The following AFF3 variants were observed in gnomAD, a reference collection of about 807,000 sequenced individuals.
AFF3 encodes AF4/FMR2 family member 3.
In AFF3, 32 loss-of-function variants were observed where a neutral mutation model predicts 129.7. The observed-to-expected ratio is 0.25, with a 90% CI of 0.19 to 0.33. The LOEUF (loss-of-function observed/expected upper bound fraction) is 0.33. AFF3 is among the 10% of genes least tolerant of loss of function. The pLI, the probability that AFF3 is intolerant of heterozygous loss-of-function variation, is 1.00. For missense variants in AFF3, 1,373 were observed against 1,592.0 expected (o/e 0.86, Z 2.34); for synonymous variants, 644 against 635.4 (o/e 1.01, Z -0.20).
In AFF3 at chr2:99,653,877, TTC is replaced by T. The variant is rs1491023099; in HGVS notation, c.1144-4213_1144-4212del. Among the ~76,000 whole-genome samples, 356 of 53,984 alleles carry T rather than the reference TTC, an allele frequency of 6.6e-3. 27 individuals are homozygous for T. Among genetic ancestry groups the T allele is most frequent in the African/African-American group, 0.013 (178 of 13,216 alleles). The allele number at this position is 53,984 out of a possible 152,430, so 35.4% of individuals were successfully genotyped here. On this transcript the variant is annotated intron_variant, in intron 12 of 24. Coordinates refer to ENST00000672756, the MANE Select transcript of AFF3 (RefSeq NM_001386135.1). ...CCATCAATTGCCTGCACTGCTTTTT[TTC>T]TTTTTTTTTTTTTTTTTGAGATGTT... is the stretch of plus-strand genomic sequence containing the variant.
At chr2:99,568,000 T>A (rs1272304333) in intron 19 of AFF3, among the ~76,000 whole-genome samples, 1 of 152,228 alleles carries the variant, frequency 6.6e-6, no homozygotes, top group Non-Finnish European at 1.5e-5. Flanking sequence ...ACGTAGGGGT[T>A]ATTCCTCCTG....
At chr2:99,744,880 C>T (rs1221450632) in intron 9 of AFF3, among the ~76,000 whole-genome samples, 1 of 152,172 alleles carries the variant, frequency 6.6e-6, no homozygotes, top group Non-Finnish European at 1.5e-5. Flanking sequence ...TCCATGTTTT[C>T]AATCCTTTTG....
At chr2:99,900,403 T>C (rs1227142962) in intron 7 of AFF3, among the ~76,000 whole-genome samples, 2 of 152,182 alleles carry the variant, frequency 1.3e-5, no homozygotes, top group Non-Finnish European at 2.9e-5. Flanking sequence ...AATCCAAATA[T>C]GTAGCTCTAA....
At chr2:99,553,194 C>A (rs967309803) in intron 24 of AFF3, among the ~76,000 whole-genome samples, 1 of 152,278 alleles carries the variant, frequency 6.6e-6, no homozygotes. Context: ...ACCTCAGCCT[C>A]CCAAAATCTA....
At chr2:99,722,122 C>A (rs1003015725) in intron 11 of AFF3, among the ~76,000 whole-genome samples, 12 of 152,176 alleles carry the variant, frequency 7.9e-5, no homozygotes, top group Non-Finnish European at 2.9e-5. Flanking sequence ...CATTATCCTG[C>A]TGAGATTCTC....
rs200998058 is a variant in AFF3, at chr2:99,997,479, C to T, written c.873+9153G>A. Among the ~76,000 whole-genome samples, 4 of 151,690 alleles carry T rather than the reference C, an allele frequency of 2.6e-5. No individual in the cohort carries two copies. The South Asian group carries it at 8.4e-4, about 32-fold the overall frequency. The stretch of plus-strand genomic sequence containing the variant: ...CCCATGGTCCCAGCAACTATCACCC[C>T]CCCCCCAGATTAGCACAATAACCTG... On this transcript the variant is annotated intron_variant, in intron 7 of 24. Transcript: ENST00000672756.
In AFF3 at chr2:99,865,262, G is replaced by A. The variant is rs139008605; in HGVS notation, c.874-27738C>T. On this transcript the variant is annotated intron_variant, in intron 7 of 24. Transcript: ENST00000672756. ...GTGTGGGGGAAAGCAACAGTTGGAC[G>A]ATCTTAGCCAGTGGAAATGAGACAG... 2.4e-3 allele frequency among the ~76,000 whole-genome samples: 371 copies of A among 152,322 alleles called. 4 individuals are homozygous for A. The highest frequency in any genetic ancestry group is 7.3e-3 in the African/African-American group (304 of 41,564).
chr2:99,818,889 A>C (rs1303491466), intron 8 of AFF3, among the ~76,000 whole-genome samples: 1 of 152,188 alleles, frequency 6.6e-6, no homozygotes, highest in Non-Finnish European at 1.5e-5. Flanking sequence ...ATACTTATAA[A>C]CACAACTTAC....
chr2:100,024,969 A>T (rs1318734844), intron 4 of AFF3, among the ~76,000 whole-genome samples: 3 of 152,178 alleles, frequency 2.0e-5, no homozygotes, highest in African/African-American at 7.2e-5. Flanking sequence ...TTTTACTGCA[A>T]ATATTACTTT....
At chr2:99,867,889 C>T (rs535349965) in intron 7 of AFF3, among the ~76,000 whole-genome samples, 98 of 152,348 alleles carry the variant, frequency 6.4e-4, no homozygotes, top group Non-Finnish European at 1.2e-3. Context: ...CGCCAGACTT[C>T]CTCCAGGAAG....
chr2:100,031,034 A>C (rs1295818429), intron 4 of AFF3, among the ~76,000 whole-genome samples: 1 of 152,230 alleles, frequency 6.6e-6, no homozygotes, highest in East Asian at 1.9e-4. Flanking sequence ...GAGATTATAC[A>C]TATGCATTTT....
rs560372108 is a variant in AFF3 at position 99,898,446 on chromosome 2, C to T, written c.874-60922G>A. ...CCTGCTGCCAGGCTAGCTCTTGATG[C>T]TGACCACAGCTCTCCAAGCCCATCG... On this transcript the variant is annotated intron_variant, in intron 7 of 24. Transcript: ENST00000672756. Among the ~76,000 whole-genome samples, 60 of 152,296 alleles carry T rather than the reference C, an allele frequency of 3.9e-4. 1 individual carries two copies. Among genetic ancestry groups the T allele is most frequent in the Non-Finnish European group, 7.5e-4 (51 of 68,022 alleles).
intron 13 of AFF3, among the ~76,000 whole-genome samples, chr2:99,630,269 C>T (rs750739756): frequency 2.6e-5 from 4 of 152,118 alleles, no homozygotes; most frequent in African/African-American, 4.8e-5. Context: ...GAGGTTAACA[C>T]GGAAATGTTA....
chr2:100,007,772 T>G, intron 5 of AFF3: 1 of 351,968 alleles, frequency 2.8e-6, no homozygotes, highest in South Asian at 3.2e-5. Context: ...GTCAGGTGTT[T>G]GAGATCAGCC....
chr2:99,792,137 T>C (rs778439180), intron 8 of AFF3, among the ~76,000 whole-genome samples: 3 of 152,166 alleles, frequency 2.0e-5, no homozygotes, highest in Non-Finnish European at 4.4e-5. Context: ...GTTCAGTATT[T>C]GCTAATTCAG....
intron 7 of AFF3, among the ~76,000 whole-genome samples, chr2:99,933,680 C>G (rs1281307745): frequency 6.6e-6 from 1 of 152,032 alleles, no homozygotes; most frequent in Non-Finnish European, 1.5e-5. Flanking sequence ...TGAACTCATC[C>G]TTTTTTATGG....
intron 11 of AFF3, among the ~76,000 whole-genome samples, chr2:99,677,499 G>C (rs1222306412): frequency 6.6e-6 from 1 of 152,030 alleles, no homozygotes; most frequent in Non-Finnish European, 1.5e-5. Flanking sequence ...ATTTTTACTT[G>C]GGAACTTGTC....
intron 11 of AFF3, among the ~76,000 whole-genome samples, chr2:99,718,559 C>G (rs534911316): frequency 6.6e-6 from 1 of 152,188 alleles, no homozygotes; most frequent in East Asian, 1.9e-4. Flanking sequence ...ATTCTTAGGA[C>G]TTTGTCCATA....
chr2:99,907,016 A>T (rs539572512), intron 7 of AFF3, among the ~76,000 whole-genome samples: 5 of 152,250 alleles, frequency 3.3e-5, no homozygotes, highest in African/African-American at 1.2e-4. Context: ...CTGTTAATGT[A>T]CTACAAGTCT....
Sources: allele counts gnomAD v4.1 joint callset (sites outside exome capture counted in the v4.1 genomes callset), GRCh38; gene constraint gnomAD v4.1.1; transcripts MANE v1.5; gene names NCBI Gene and HGNC (gene_info 2026-07-23, HGNC 2026-07-21).